The following PDZD2 variants were observed in gnomAD, a reference collection of about 807,000 sequenced individuals.
PDZD2 encodes the protein PDZ domain-containing protein 2.
PDZD2 carries 90 observed loss-of-function variants against 220.7 expected under a neutral mutation model. That is an observed-to-expected ratio of 0.41 (90% CI 0.34 to 0.49). The LOEUF (loss-of-function observed/expected upper bound fraction) is 0.49. PDZD2 is among the 20% of genes least tolerant of loss of function. PDZD2 has a pLI of 0.28. For synonymous variants in PDZD2, 1,375 were observed against 1,450.5 expected, an observed-to-expected ratio of 0.95 and a Z score of 1.18; for missense variants, 3,174 against 3,608.5, an observed-to-expected ratio of 0.88 and a Z score of 3.08.
chr5:31,698,761 G>A (rs1289271699), intron 1 of PDZD2, among the ~76,000 whole-genome samples: 1 of 152,154 alleles, frequency 6.6e-6, no homozygotes, highest in East Asian at 1.9e-4. Flanking sequence ...CAAGGCCCAG[G>A]AATTAAGTAG....
intron 1 of PDZD2, among the ~76,000 whole-genome samples, chr5:31,651,517 T>C (rs1039445299): frequency 2.0e-5 from 3 of 152,204 alleles, no homozygotes; most frequent in Non-Finnish European, 2.9e-5. Flanking sequence ...TCATGGGGAA[T>C]GTCACCACCC....
rs1000588838 is a variant in PDZD2, at chr5:32,090,681, G to C, written c.7233G>C (p.Leu2411=). 7 of 1,614,018 alleles carry C rather than the reference G, an allele frequency of 4.3e-6. No homozygotes were observed. Among genetic ancestry groups the C allele is most frequent in the Non-Finnish European group, 4.2e-6 (5 of 1,180,036 alleles). Residue 2411 remains leucine, a synonymous_variant, in exon 20 of 25, where the codon CTG becomes CTC. Coordinates refer to ENST00000438447, the MANE Select transcript of PDZD2 (RefSeq NM_178140.4). The surrounding 1 kb of genome is among the most constrained non-coding windows in gnomAD (Gnocchi z 4.3). ...ACCAAAGCGAAGCCGGCACCCTCCT[G>C]CCCCAGATGGCCAAGTCTCCCTCAA... The part of the protein sequence containing the change: ...SENQSEAGTL[L]PQMAKSPSIM...
intron 2 of PDZD2, chr5:31,936,176 A>T (rs900554234): frequency 3.0e-6 from 3 of 987,700 alleles, no homozygotes; most frequent in Admixed American, 6.1e-5. Flanking sequence ...GCTGGCAGGA[A>T]GTTGGAGCAC....
At chr5:31,866,839 G>A (rs1198597930) in intron 2 of PDZD2, among the ~76,000 whole-genome samples, 2 of 152,196 alleles carry the variant, frequency 1.3e-5, no homozygotes, top group Non-Finnish European at 2.9e-5. Flanking sequence ...CCAGTTACAG[G>A]CAACACACTG....
At chr5:31,952,212 T>G (rs1402020990) in intron 2 of PDZD2, among the ~76,000 whole-genome samples, 1 of 152,198 alleles carries the variant, frequency 6.6e-6, no homozygotes, top group African/African-American at 2.4e-5. Flanking sequence ...TTTTGAGATA[T>G]CCATGCCAAG....
chr5:31,862,356 G>A (rs1043518587), intron 2 of PDZD2, among the ~76,000 whole-genome samples: 6 of 151,608 alleles, frequency 4.0e-5, no homozygotes, highest in Admixed American at 6.6e-5. Flanking sequence ...CACCCGTCTC[G>A]GCCTCCCAAA....
At chr5:31,732,382 A>G (rs1169428634) in intron 1 of PDZD2, among the ~76,000 whole-genome samples, 1 of 152,168 alleles carries the variant, frequency 6.6e-6, no homozygotes, top group Admixed American at 6.5e-5. Context: ...GTTTGCTAGC[A>G]AACTGTTGCC....
chr5:32,061,212 G>T, intron 14 of PDZD2, 78 bp downstream of exon 14: 2 of 1,472,918 alleles, frequency 1.4e-6, no homozygotes, highest in Non-Finnish European at 9.4e-7. Flanking sequence ...TGGTGAGATG[G>T]TTTTCCCAGC....
At chr5:32,054,312 C>CTTTTTTTTTTTTTTTTTT (rs57135705) in intron 10 of PDZD2, among the ~76,000 whole-genome samples, 1 of 69,352 alleles carries the variant, frequency 1.4e-5, no homozygotes, top group African/African-American at 5.4e-5. Context: ...AAATGAACAT[C>CTTTTTTTTTTTTTTTTTT]TTTTTTTTTT....
At position 32,065,955 on chromosome 5, in the gene PDZD2, C is replaced by T. The variant is rs57026296; in HGVS notation, c.2452-3614C>T. On this transcript the variant is annotated intron_variant, in intron 14 of 24. Transcript: ENST00000438447. ...AGGAGAATCGCTTGAACCTGGGAGG[C>T]GGAGGTTGCAGTGAGCCGAGATCGC... 9.4e-3 allele frequency among the ~76,000 whole-genome samples: 1,427 copies of T among 151,222 alleles called. 27 individuals carry two copies. Among genetic ancestry groups the T allele is most frequent in the African/African-American group, 0.033 (1,368 of 41,176 alleles).
At chr5:31,699,737 G>A (rs1473592133) in intron 1 of PDZD2, among the ~76,000 whole-genome samples, 1 of 151,590 alleles carries the variant, frequency 6.6e-6, no homozygotes, top group Non-Finnish European at 1.5e-5. Context: ...CTGAGTAGCT[G>A]GGATTCCAGG....
chr5:31,710,819 A>C, intron 1 of PDZD2, among the ~76,000 whole-genome samples: 1 of 28,300 alleles, frequency 3.5e-5, no homozygotes, highest in African/African-American at 2.3e-4. Context: ...TCCGTCTTGA[A>C]AAAAAAAAAA....
At chr5:31,885,519 C>T (rs1740379738) in intron 2 of PDZD2, among the ~76,000 whole-genome samples, 1 of 152,134 alleles carries the variant, frequency 6.6e-6, no homozygotes, top group Non-Finnish European at 1.5e-5. Flanking sequence ...GAAAACTAAA[C>T]ATTTATCAAA....
At chr5:31,958,727 C>T (rs1302898334) in intron 2 of PDZD2, among the ~76,000 whole-genome samples, 1 of 151,070 alleles carries the variant, frequency 6.6e-6, no homozygotes, top group Non-Finnish European at 1.5e-5. Flanking sequence ...CTCAAGCAAT[C>T]CTCCCACCTC....
chr5:31,720,456 C>G (rs996410467), intron 1 of PDZD2, among the ~76,000 whole-genome samples: 1 of 152,198 alleles, frequency 6.6e-6, no homozygotes, highest in Non-Finnish European at 1.5e-5. Flanking sequence ...GAAACTTCCC[C>G]TTTGCCTCTG....
At chr5:31,842,320 C>A (rs1210763027) in intron 2 of PDZD2, among the ~76,000 whole-genome samples, 2 of 152,156 alleles carry the variant, frequency 1.3e-5, no homozygotes, top group Non-Finnish European at 2.9e-5. Flanking sequence ...AACACCTCTG[C>A]GAGGTAATTG....
At chr5:31,711,590 C>G (rs915551783) in intron 1 of PDZD2, among the ~76,000 whole-genome samples, 1 of 152,208 alleles carries the variant, frequency 6.6e-6, no homozygotes, top group Non-Finnish European at 1.5e-5. Context: ...TGAACTGTGA[C>G]TCAGGGTGGG....
chr5:32,067,607 C>T (rs1267430031), intron 14 of PDZD2, among the ~76,000 whole-genome samples: 1 of 152,036 alleles, frequency 6.6e-6, no homozygotes, highest in African/African-American at 2.4e-5. Flanking sequence ...AGACAAATTG[C>T]CATGCTTATC....
At chr5:32,079,467 G>C (rs189410514) in intron 19 of PDZD2, among the ~76,000 whole-genome samples, 26 of 151,286 alleles carry the variant, frequency 1.7e-4, no homozygotes, top group Non-Finnish European at 8.8e-5. Context: ...AAACTACGGT[G>C]GTAGACAGAA....
Sources: allele counts gnomAD v4.1 joint callset (sites outside exome capture counted in the v4.1 genomes callset), GRCh38; gene constraint gnomAD v4.1.1; non-coding constraint Gnocchi (gnomAD v3.1); transcripts MANE v1.5; gene names NCBI Gene and HGNC (gene_info 2026-07-23, HGNC 2026-07-21).